Variants in C1orf21 observed in about 807,000 individuals in gnomAD.
C1orf21 encodes chromosome 1 open reading frame 21.
C1orf21 carries 3 observed loss-of-function variants against 18.7 expected under a neutral mutation model. The observed-to-expected ratio is 0.16, with a 90% CI of 0.07 to 0.42. The LOEUF is 0.42. Among genes scored for constraint, C1orf21 ranks in the 10% least tolerant of loss-of-function variants. C1orf21 has a pLI of 0.99. For synonymous variants in C1orf21, 41 were observed against 46.4 expected (o/e 0.88, Z 0.47); for missense variants, 104 against 143.6 (o/e 0.72, Z 1.41).
At chr1:184,515,525 A>G (rs963846827) in intron 3 of C1orf21, among the ~76,000 whole-genome samples, 1 of 152,186 alleles carries the variant, frequency 6.6e-6, no homozygotes, top group African/African-American at 2.4e-5. Context: ...AAATGATTTA[A>G]AAGTATATTA....
At chr1:184,516,643 G>A (rs532056731) in intron 3 of C1orf21, among the ~76,000 whole-genome samples, 2 of 152,302 alleles carry the variant, frequency 1.3e-5, no homozygotes, top group East Asian at 1.9e-4. Flanking sequence ...TGAGGAAGAC[G>A]CAAAAGCAGA....
chr1:184,538,122 A>C (rs1007172735), intron 3 of C1orf21, among the ~76,000 whole-genome samples: 1 of 107,322 alleles, frequency 9.3e-6, no homozygotes, highest in Non-Finnish European at 1.9e-5. Flanking sequence ...CCTCACCAAC[A>C]CGATATTTTC....
intron 2 of C1orf21, among the ~76,000 whole-genome samples, chr1:184,479,447 GAA>G (rs1657619564): frequency 6.6e-6 from 1 of 152,044 alleles, no homozygotes; most frequent in South Asian, 2.1e-4. Context: ...ACAATCTTGT[GAA>G]ATATGTGCTA....
At chr1:184,509,635 A>G (rs1658114719) in intron 3 of C1orf21, among the ~76,000 whole-genome samples, 1 of 152,202 alleles carries the variant, frequency 6.6e-6, no homozygotes, top group Non-Finnish European at 1.5e-5. Flanking sequence ...AAAAAATACC[A>G]ATAGCCTCCT....
At chr1:184,605,350 C>A (rs1265978421) in intron 5 of C1orf21, among the ~76,000 whole-genome samples, 2 of 152,148 alleles carry the variant, frequency 1.3e-5, no homozygotes, top group African/African-American at 4.8e-5. Flanking sequence ...ACTGACAGCT[C>A]CCTAAGGATA....
intron 1 of C1orf21, among the ~76,000 whole-genome samples, chr1:184,442,018 T>G (rs117222200): frequency 1.3e-5 from 2 of 152,188 alleles, no homozygotes; most frequent in African/African-American, 2.4e-5. Context: ...AAGTGTATCA[T>G]GGATTTTCAA....
At chr1:184,566,645 C>A (rs867289000) in intron 3 of C1orf21, 7 of 388,232 alleles carry the variant, frequency 1.8e-5, no homozygotes, top group Non-Finnish European at 3.5e-5. Context: ...TCTTTTGGGG[C>A]ATAGTATGTA....
At chr1:184,574,507 TC>T (rs1191205850) in intron 3 of C1orf21, among the ~76,000 whole-genome samples, 6 of 152,214 alleles carry the variant, frequency 3.9e-5, no homozygotes, top group African/African-American at 1.4e-4. Context: ...TTTCTGAGGA[TC>T]TCATTGGAAA....
At chr1:184,467,205 A>G (rs965915625) in intron 1 of C1orf21, among the ~76,000 whole-genome samples, 3 of 152,202 alleles carry the variant, frequency 2.0e-5, no homozygotes, top group African/African-American at 7.2e-5. Flanking sequence ...GGAGTTTCTA[A>G]GAAAATTCAT....
chr1:184,486,875 C>T (rs1161944407), intron 2 of C1orf21, among the ~76,000 whole-genome samples: 4 of 152,180 alleles, frequency 2.6e-5, no homozygotes, highest in Non-Finnish European at 4.4e-5. Context: ...GGCAGGGACA[C>T]GCTGGCAGGG....
intron 2 of C1orf21, among the ~76,000 whole-genome samples, chr1:184,481,113 G>T (rs1406115446): frequency 7.9e-5 from 12 of 152,070 alleles, no homozygotes; most frequent in Admixed American, 7.9e-4. Context: ...TTTCTGAAGA[G>T]CTAGGTAGGA....
At position 184,567,851 on chromosome 1, in the gene C1orf21, A is replaced by G. The variant is rs78200459; in HGVS notation, c.190-22888A>G. 6.7e-3 allele frequency: 1,485 copies of G among 221,088 alleles called. 28 individuals are homozygous for G. Among genetic ancestry groups the G allele is most frequent in the African/African-American group, 0.033 (1,418 of 42,790 alleles). The allele number at this position is 221,088 out of a possible 1,614,324, so 13.7% of individuals were successfully genotyped here. On this transcript the variant is annotated intron_variant, in intron 3 of 5. Coordinates refer to ENST00000235307, the MANE Select transcript of C1orf21 (RefSeq NM_030806.4). ...CCTGCAAGCCCCGTGATGAAACCAC[A>G]AGGAATGAACCACACTGAAAGTTCC...
intron 3 of C1orf21, among the ~76,000 whole-genome samples, chr1:184,579,884 G>T (rs1475204099): frequency 6.6e-6 from 1 of 152,130 alleles, no homozygotes; most frequent in East Asian, 1.9e-4. Flanking sequence ...GTCAGAAGGA[G>T]CCAAATCAGG....
intron 3 of C1orf21, among the ~76,000 whole-genome samples, chr1:184,544,311 T>G (rs1333629199): frequency 6.6e-6 from 1 of 152,204 alleles, no homozygotes; most frequent in Non-Finnish European, 1.5e-5. Flanking sequence ...CAGAGTCTCT[T>G]ATTGTGTAAT....
At chr1:184,568,856 G>A (rs920041242) in intron 3 of C1orf21, among the ~76,000 whole-genome samples, 3 of 152,206 alleles carry the variant, frequency 2.0e-5, no homozygotes, top group African/African-American at 7.2e-5. Context: ...TTCTGAGTGG[G>A]ATTAATGTTA....
intron 1 of C1orf21, among the ~76,000 whole-genome samples, chr1:184,411,746 C>T (rs959378328): frequency 6.6e-6 from 1 of 152,156 alleles, no homozygotes; most frequent in African/African-American, 2.4e-5. Flanking sequence ...CTTAAGAAGC[C>T]ATATATAAGA....
chr1:184,410,637 A>AT (rs1159439491), intron 1 of C1orf21, among the ~76,000 whole-genome samples: 1 of 3,650 alleles, frequency 2.7e-4, no homozygotes, highest in East Asian at 9.3e-3. Context: ...ATATATATAT[A>AT]TATATATATA....
intron 3 of C1orf21, among the ~76,000 whole-genome samples, chr1:184,528,485 C>A (rs1217182805): frequency 6.6e-6 from 1 of 152,054 alleles, no homozygotes; most frequent in Non-Finnish European, 1.5e-5. Flanking sequence ...CTGTTGTCAG[C>A]CCAGGCTGGA....
chr1:184,519,149 G>T (rs913308840), intron 3 of C1orf21, among the ~76,000 whole-genome samples: 1 of 152,216 alleles, frequency 6.6e-6, no homozygotes, highest in East Asian at 1.9e-4. Flanking sequence ...TTAAAGATTG[G>T]GGTGTTGATA....
Sources: gnomAD v4.1 joint callset for allele counts (sites outside exome capture counted in the v4.1 genomes callset) on GRCh38, gnomAD v4.1.1 for gene constraint, MANE v1.5 for transcripts, NCBI Gene and HGNC (gene_info 2026-07-23, HGNC 2026-07-21) for gene names.